FAH: variants seen among roughly 807,000 people sequenced by gnomAD.
FAH encodes the protein fumarylacetoacetase.
In FAH, 47 loss-of-function variants were observed where a neutral mutation model predicts 55.8. That is an observed-to-expected ratio of 0.84 (90% CI 0.67 to 1.07). The LOEUF (loss-of-function observed/expected upper bound fraction) is 1.07, where lower values mean the gene tolerates loss of function less well. FAH is among the 50% of genes least tolerant of loss of function. The pLI is 0.00. For synonymous variants in FAH, 199 were observed against 207.7 expected, an observed-to-expected ratio of 0.96 and a Z score of 0.36; for missense variants, 495 against 545.9, an observed-to-expected ratio of 0.91 and a Z score of 0.93.
At chr15:80,177,499 A>T (rs1277803549) in intron 10 of FAH, 38 bp from the exon 11 acceptor site, 2 of 1,581,840 alleles carry the variant, frequency 1.3e-6, no homozygotes, top group Non-Finnish European at 1.7e-6. Context: ...TGATGCATGG[A>T]ATTAAGTTTT....
intron 1 of FAH, chr15:80,156,199 G>A: frequency 4.5e-6 from 1 of 223,156 alleles, no homozygotes; most frequent in Non-Finnish European, 9.0e-6. Flanking sequence ...CCTTATGCGG[G>A]TGTGACAGGG....
chr15:80,159,788 G>A lies in FAH; in HGVS notation c.225G>A (p.Gln75=), dbSNP rs1366169814. The change falls in exon 3 of 14, where the codon CAG becomes CAA. Residue 75 remains glutamine (Q), a synonymous_variant. Transcript: ENST00000561421. ...TCAACAGCTTCATGGGCCTGGGTCA[G>A]GCTGCCTGGAAGGAGGCGAGAGTGT... is the stretch of plus-strand genomic sequence containing the variant. ...PTLNSFMGLG[Q]AAWKEARVFL... 6.2e-7 allele frequency: 1 copy of A among 1,614,238 alleles called. No homozygotes were observed. Among genetic ancestry groups the A allele is most frequent in the Admixed American group, 1.7e-5 (1 of 60,026 alleles).
chr15:80,165,550 C>T (rs2041184738), intron 5 of FAH, among the ~76,000 whole-genome samples: 1 of 148,492 alleles, frequency 6.7e-6, no homozygotes, highest in Non-Finnish European at 1.5e-5. Context: ...AAAAAATTAG[C>T]TGGGTGTGGT....
chr15:80,170,530 G>A (rs1387460260), intron 7 of FAH, among the ~76,000 whole-genome samples: 1 of 152,244 alleles, frequency 6.6e-6, no homozygotes, highest in East Asian at 1.9e-4. Flanking sequence ...GCCTCCTCCT[G>A]CCTTAGCAAG....
Position 80,155,239 on chromosome 15 carries a change from C to T in FAH, c.81+2104C>T, listed in dbSNP as rs377020461. Among the ~76,000 whole-genome samples, 15 of 152,318 alleles carry T rather than the reference C, an allele frequency of 9.8e-5. 1 individual carries two copies. In the East Asian group the frequency reaches 1.5e-3, roughly 16 times the overall value. On this transcript the variant is annotated intron_variant, in intron 1 of 13. Transcript: ENST00000561421. ...TTTTGCTTCTGGAGAGAAGGAACCA[C>T]GTCACTGTTCCCAGGGCCTCAGCAG...
chr15:80,167,961 ACT>A (rs1169603836), intron 5 of FAH, 89 bp from the exon 6 acceptor site: 1 of 1,028,820 alleles, frequency 9.7e-7, no homozygotes, highest in Non-Finnish European at 1.5e-6. Context: ...GTATGTGGCG[ACT>A]CTTTGTTTCT....
chr15:80,180,171 C>A lies in FAH; in HGVS notation c.1008C>A (p.Asn336Lys). The A allele has an allele frequency of 6.2e-7, 1 of 1,610,762 alleles. No individual in the cohort carries two copies. Among genetic ancestry groups the A allele is most frequent in the Non-Finnish European group, 8.5e-7 (1 of 1,179,956 alleles). The change falls in exon 12 of 14, where the codon AAC becomes AAA. Residue 336 changes from asparagine (N) to lysine (K), a missense_variant. Transcript: ENST00000561421. ...MLQQLTHHSV[N>K]GCNLRPGDLL... ...AGCAGCTCACTCACCACTCTGTCAACGGCTGCAACCTGCGGCCGGGGGACC... is the reference window on the plus strand; with the variant it reads ...AGCAGCTCACTCACCACTCTGTCAAAGGCTGCAACCTGCGGCCGGGGGACC...
At chr15:80,158,541 G>A (rs774921244) in intron 2 of FAH, among the ~76,000 whole-genome samples, 3 of 152,212 alleles carry the variant, frequency 2.0e-5, no homozygotes, top group East Asian at 1.9e-4. Context: ...AGGGAGCTAC[G>A]AGCCCAGCCC....
intron 5 of FAH, chr15:80,165,788 T>G (rs2041187092): frequency 6.7e-6 from 1 of 148,352 alleles, no homozygotes; most frequent in Non-Finnish European, 1.5e-5. Flanking sequence ...TCCTCTAGGG[T>G]GAGGGGCAGG....
chr15:80,179,041 A>G (rs2142106798), intron 11 of FAH, among the ~76,000 whole-genome samples: 1 of 152,310 alleles, frequency 6.6e-6, no homozygotes, highest in Non-Finnish European at 1.5e-5. Context: ...ATATCCAGTA[A>G]TAGGCTTGCT....
At chr15:80,161,184 T>A (rs1339517882) in intron 4 of FAH, among the ~76,000 whole-genome samples, 1 of 152,144 alleles carries the variant, frequency 6.6e-6, no homozygotes, top group East Asian at 1.9e-4. Flanking sequence ...CTCATGGGAC[T>A]GTGCTATGTT....
chr15:80,158,995 T>C (rs945924992), intron 2 of FAH, among the ~76,000 whole-genome samples: 2 of 152,050 alleles, frequency 1.3e-5, no homozygotes, highest in African/African-American at 4.8e-5. Flanking sequence ...CCCAGCACTT[T>C]GGGAGGCCGA....
intron 6 of FAH, 30 bp downstream of exon 6, chr15:80,168,179 G>C: frequency 6.2e-7 from 1 of 1,611,896 alleles, no homozygotes; most frequent in Non-Finnish European, 8.5e-7. Context: ...AGGCCTTGCT[G>C]GTACCCAGCT....
intron 13 of FAH, among the ~76,000 whole-genome samples, chr15:80,182,017 C>G (rs2041335353): frequency 6.6e-6 from 1 of 152,182 alleles, no homozygotes; most frequent in South Asian, 2.1e-4. Flanking sequence ...TCTCTCACAG[C>G]TCTATAAGGT....
At chr15:80,178,587 ATTTTTT>A (rs143350647) in intron 11 of FAH, among the ~76,000 whole-genome samples, 55 of 143,468 alleles carry the variant, frequency 3.8e-4, no homozygotes, top group Admixed American at 6.9e-5. Flanking sequence ...AACTGACTTA[ATTTTTT>A]TTTTTTTTTG....
intron 9 of FAH, 22 bp from the exon 10 acceptor site, chr15:80,174,994 G>A (rs2041270325): frequency 6.2e-7 from 1 of 1,612,892 alleles, no homozygotes; most frequent in Non-Finnish European, 8.5e-7. Flanking sequence ...AGTGACCTCT[G>A]TGCTGTGCTT....
intron 1 of FAH, among the ~76,000 whole-genome samples, chr15:80,155,149 C>T (rs538629516): frequency 6.6e-6 from 1 of 152,262 alleles, no homozygotes; most frequent in Admixed American, 6.5e-5. Flanking sequence ...TCCTAAGCAC[C>T]CTCTCTGAAT....
At chr15:80,180,937 G>A (rs1255861026) in intron 12 of FAH, 105 bp from the exon 13 acceptor site, 2 of 882,716 alleles carry the variant, frequency 2.3e-6, no homozygotes, top group African/African-American at 3.3e-5. Flanking sequence ...GGGGCATGAG[G>A]GCCCCCTGCC....
chr15:80,175,224 C>G (rs2142103533), intron 10 of FAH, 133 bp downstream of exon 10: 1 of 826,038 alleles, frequency 1.2e-6, no homozygotes, highest in Non-Finnish European at 2.0e-6. Context: ...TGTGGCTCGT[C>G]TAAAGGAAAG....
Sources: allele counts gnomAD v4.1 joint callset (sites outside exome capture counted in the v4.1 genomes callset), GRCh38; gene constraint gnomAD v4.1.1; transcripts MANE v1.5; gene names NCBI Gene and HGNC (gene_info 2026-07-23, HGNC 2026-07-21).